The following SYTL2 variants were observed in gnomAD, a reference collection of about 807,000 sequenced individuals.
SYTL2 encodes the protein synaptotagmin-like protein 2.
Under a neutral mutation model 198.7 loss-of-function variants are expected in SYTL2, and 165 were observed. The observed-to-expected ratio is 0.83, with a 90% CI of 0.73 to 0.94. SYTL2 has a LOEUF of 0.94. SYTL2 is among the 40% of genes least tolerant of loss of function. SYTL2 has a pLI of 0.00. For synonymous variants in SYTL2, 966 were observed against 917.7 expected (o/e 1.05, Z -0.95); for missense variants, 2,835 against 2,582.8 (o/e 1.10, Z -2.12).
At chr11:85,718,663 G>C (rs1190098846) in intron 10 of SYTL2, 127 bp downstream of exon 10, 8 of 741,730 alleles carry the variant, frequency 1.1e-5, no homozygotes, top group Non-Finnish European at 1.8e-5. Flanking sequence ...TAGTAACTTA[G>C]GCACTATTCA....
intron 4 of SYTL2, among the ~76,000 whole-genome samples, chr11:85,745,024 A>G (rs1437994562): frequency 2.6e-5 from 4 of 152,214 alleles, no homozygotes; most frequent in Admixed American, 1.3e-4. Flanking sequence ...GATAATCTAT[A>G]TCCTTAAGAG....
the SYTL2 span, among the ~76,000 whole-genome samples, chr11:85,833,420 T>TATATCAC: frequency 6.7e-6 from 1 of 148,490 alleles, no homozygotes; most frequent in Non-Finnish European, 1.5e-5. Flanking sequence ...CATATATATG[T>TATATCAC]ATATCACATA....
chr11:85,753,285 C>A (rs1385283145), intron 2 of SYTL2, among the ~76,000 whole-genome samples: 1 of 152,188 alleles, frequency 6.6e-6, no homozygotes, highest in Non-Finnish European at 1.5e-5. Context: ...GAGAAAGAAT[C>A]CACCCTGATG....
intron 1 of SYTL2, among the ~76,000 whole-genome samples, chr11:85,807,771 G>A (rs2092977740): frequency 1.3e-5 from 2 of 152,148 alleles, no homozygotes. Flanking sequence ...GCAGCCCCAT[G>A]GCCCAGCACT....
chr11:85,786,669 A>G (rs1296180335), intron 1 of SYTL2, among the ~76,000 whole-genome samples: 1 of 152,226 alleles, frequency 6.6e-6, no homozygotes, highest in Non-Finnish European at 1.5e-5. Context: ...GGGGGCATCA[A>G]CACATAAAAC....
At chr11:85,837,073 C>T in the SYTL2 span, among the ~76,000 whole-genome samples, 1 of 152,166 alleles carries the variant, frequency 6.6e-6, no homozygotes, top group South Asian at 2.1e-4. Context: ...TCTCCTCAAG[C>T]AATCAATATG....
intron 1 of SYTL2, among the ~76,000 whole-genome samples, chr11:85,769,967 AC>A (rs1409126303): frequency 1.3e-5 from 2 of 152,062 alleles, no homozygotes; most frequent in Non-Finnish European, 2.9e-5. Context: ...CCATCATTTA[AC>A]CCAAAACAAA....
chr11:85,724,200 G>T lies in SYTL2; in HGVS notation c.5158C>A (p.Pro1720Thr). ...ISVSRNRQPI[P>T]LLMNKENSTK... ...GAGTTTTCTTTGTTCATCAGGAGAG[G>T]AATGGGTTGCCTATTTCTGGACACA... Residue 1720 changes from proline to threonine, a missense_variant, in exon 8 of 20, where the codon CCT becomes ACT. Transcript: ENST00000359152. 1 of 1,597,138 alleles carries T rather than the reference G, an allele frequency of 6.3e-7. No individual in the cohort carries two copies. The highest frequency in any genetic ancestry group is 1.1e-5 in the South Asian group (1 of 87,304).
chr11:85,726,470 G>T lies in SYTL2; in HGVS notation c.2888C>A (p.Ser963Tyr). The part of the protein sequence containing the change: ...RESNANFKVM[S>Y]LKERMDEPNA... ...GGGTTCATCCATTCTTTCTTTTAGGGACATAACTTTAAAGTTGGCATTTGA... is the reference window on the plus strand; with the variant it reads ...GGGTTCATCCATTCTTTCTTTTAGGTACATAACTTTAAAGTTGGCATTTGA... The change falls in exon 8 of 20, where the codon TCC (serine) becomes TAC (tyrosine). Residue 963 changes from serine to tyrosine, a missense_variant. Ser to Tyr is a moderately radical substitution (Grantham distance 144). Around this residue, in one of 3 missense-constraint regions of SYTL2, gnomAD observed 2,645 missense variants for 2,381.7 expected, o/e 1.11. Transcript: ENST00000359152. The T allele has an allele frequency of 6.2e-7, 1 of 1,612,096 alleles. No homozygotes were observed.
At position 85,746,677 on chromosome 11, in the gene SYTL2, T is replaced by C. The variant is rs375482412; in HGVS notation, c.254-905A>G. 2.4e-4 allele frequency among the ~76,000 whole-genome samples: 36 copies of C among 152,322 alleles called. 1 individual carries two copies. The East Asian group carries it at 6.8e-3, about 29-fold the overall frequency. On this transcript the variant is annotated intron_variant, in intron 3 of 19. Transcript: ENST00000359152. ...GTATCCCCCCACAGGTCCTGTTACA[T>C]GTAAGCCTAGTTTCTTCAACTGCAA...
intron 1 of SYTL2, among the ~76,000 whole-genome samples, chr11:85,809,685 G>C (rs1297140167): frequency 6.6e-6 from 1 of 152,164 alleles, no homozygotes; most frequent in African/African-American, 2.4e-5. Flanking sequence ...ATGTGGCTTT[G>C]TGAGAATTAA....
At position 85,695,096 on chromosome 11, in the gene SYTL2, TAGATAGAA is replaced by T; in HGVS notation, c.*91_*98del. The T allele has an allele frequency of 7.7e-7, 1 of 1,295,260 alleles. No individual in the cohort carries two copies. The highest frequency in any genetic ancestry group is 2.2e-5 in the Admixed American group (1 of 45,956). 80.2% of individuals were successfully genotyped at this position (1,295,260 alleles called of 1,614,324 possible). ...GCTGTGTAGTATTCCTTAGGTGCAATAGATAGAAAGTGAGGATATTTGTCCACCTACTC... is the reference window on the plus strand; with the variant it reads ...GCTGTGTAGTATTCCTTAGGTGCAATAGTGAGGATATTTGTCCACCTACTC... On this transcript the variant is annotated 3_prime_UTR_variant, in exon 20 of 20. Coordinates refer to ENST00000359152, the MANE Select transcript of SYTL2 (RefSeq NM_206927.4).
the SYTL2 span, chr11:85,853,657 T>TAA: frequency 4.7e-4 from 39 of 82,694 alleles, no homozygotes; most frequent in Middle Eastern, 6.3e-3. Context: ...GAATGATCAA[T>TAA]AAAAAAAAAA....
chr11:85,785,000 T>C (rs1269561699), intron 1 of SYTL2, among the ~76,000 whole-genome samples: 1 of 152,110 alleles, frequency 6.6e-6, no homozygotes, highest in African/African-American at 2.4e-5. Flanking sequence ...ATCTTCTTAT[T>C]TGGGTATTAT....
intron 15 of SYTL2, chr11:85,705,318 G>A (rs576860459): frequency 7.7e-5 from 18 of 235,076 alleles, no homozygotes; most frequent in African/African-American, 3.4e-4. Context: ...TTCAATTTTC[G>A]CTGAATATTT....
chr11:85,718,847 T>C lies in SYTL2; in HGVS notation c.5429-4A>G. Reference sequence around the variant, plus strand: ...TGATTATCTACTTTTGCTTGATCTGTTCAGAAGAAATTAACAAATGGTTAA... The same window carrying C: ...TGATTATCTACTTTTGCTTGATCTGCTCAGAAGAAATTAACAAATGGTTAA... On this transcript the variant is annotated splice_region_variant and splice_polypyrimidine_tract_variant and intron_variant, in intron 9 of 19. Transcript: ENST00000359152. The C allele has an allele frequency of 6.2e-7, 1 of 1,613,504 alleles. No homozygotes were observed. The highest frequency in any genetic ancestry group is 8.5e-7 in the Non-Finnish European group (1 of 1,179,674).
the SYTL2 span, among the ~76,000 whole-genome samples, chr11:85,850,139 T>C: frequency 6.8e-6 from 1 of 147,348 alleles, no homozygotes; most frequent in African/African-American, 2.5e-5. Flanking sequence ...ATTGATTTTG[T>C]ATCCTGAGAC....
the SYTL2 span, among the ~76,000 whole-genome samples, chr11:85,850,555 G>A: frequency 4.6e-5 from 7 of 151,330 alleles, no homozygotes; most frequent in African/African-American, 1.7e-4. Flanking sequence ...TGGAGAAATA[G>A]GAACACTTTT....
chr11:85,838,558 A>G, the SYTL2 span, among the ~76,000 whole-genome samples: 1 of 152,180 alleles, frequency 6.6e-6, no homozygotes, highest in Non-Finnish European at 1.5e-5. Context: ...AGCAGAAGGC[A>G]AATGGGAAGC....
Sources: allele counts gnomAD v4.1 joint callset (sites outside exome capture counted in the v4.1 genomes callset), GRCh38; gene constraint gnomAD v4.1.1; regional missense constraint gnomAD v4.1.1; transcripts MANE v1.5; gene names NCBI Gene and HGNC (gene_info 2026-07-23, HGNC 2026-07-21).